The following FSIP2 variants were observed in gnomAD, a reference collection of about 807,000 sequenced individuals.
The protein encoded by FSIP2 is fibrous sheath-interacting protein 2.
In FSIP2, 367 loss-of-function variants were observed where a neutral mutation model predicts 510.5. That is an observed-to-expected ratio of 0.72 (90% CI 0.66 to 0.78). The LOEUF (loss-of-function observed/expected upper bound fraction) is 0.78. FSIP2 is among the 30% of genes least tolerant of loss of function. The pLI is 0.00. For synonymous variants in FSIP2, 2,601 were observed against 2,732.2 expected, an observed-to-expected ratio of 0.95 and a Z score of 1.50; for missense variants, 7,594 against 7,901.7, an observed-to-expected ratio of 0.96 and a Z score of 1.48.
At chr2:185,816,136 T>G (rs1323782773) in intron 19 of FSIP2, among the ~76,000 whole-genome samples, 2 of 151,972 alleles carry the variant, frequency 1.3e-5, no homozygotes, top group African/African-American at 2.4e-5. Flanking sequence ...TATACACAAC[T>G]TGGAAGAGAT....
chr2:185,761,005 G>C lies in FSIP2; in HGVS notation c.1096G>C (p.Ala366Pro). Residue 366 changes from alanine (A) to proline (P), a missense_variant, in exon 10 of 23, where the codon GCT (alanine) becomes CCT (proline). Ala to Pro is a conservative substitution (Grantham distance 27). Transcript: ENST00000424728. ...TCTTTTAGGACATACAGCAAATGCT[G>C]CTCATCAGCGTCAAAATAGTTCAAA... is the stretch of plus-strand genomic sequence containing the variant. ...KETHGHTANA[A>P]HQRQNSSNNF... 6.8e-7 allele frequency: 1 copy of C among 1,474,610 alleles called. No individual in the cohort carries two copies. 91.3% of individuals were successfully genotyped at this position (1,474,610 alleles called of 1,614,324 possible). A position where few individuals can be genotyped will look rare whatever the true frequency, so the allele number is the denominator to read the frequency against.
chr2:185,774,113 A>G (rs928594569), intron 13 of FSIP2, among the ~76,000 whole-genome samples: 9 of 152,208 alleles, frequency 5.9e-5, no homozygotes, highest in African/African-American at 2.2e-4. Context: ...TGAAATTGAG[A>G]CTTATTCTTT....
chr2:185,761,515 C>G lies in FSIP2; in HGVS notation c.1194+412C>G, dbSNP rs1336591264. ...CTAAAAGACTCATTGTCTAGTGAGG[C>G]AGCAGACACAGAAAGATACTATTCC... On this transcript the variant is annotated intron_variant, in intron 10 of 22. Coordinates refer to ENST00000424728, the MANE Select transcript of FSIP2 (RefSeq NM_173651.4). Among the ~76,000 whole-genome samples, 4 of 151,192 alleles carry G rather than the reference C, an allele frequency of 2.6e-5. No homozygotes were observed. In the East Asian group the frequency reaches 7.8e-4, roughly 29 times the overall value.
chr2:185,785,606 C>A (rs1481581742), intron 14 of FSIP2, among the ~76,000 whole-genome samples: 4 of 151,782 alleles, frequency 2.6e-5, no homozygotes, highest in Admixed American at 1.3e-4. Context: ...TTGAGCTATT[C>A]TTTTTTGCAA....
At chr2:185,785,071 T>A (rs776054419) in intron 14 of FSIP2, among the ~76,000 whole-genome samples, 2 of 152,092 alleles carry the variant, frequency 1.3e-5, no homozygotes, top group African/African-American at 2.4e-5. Context: ...AATGAATACA[T>A]AGAACTCCTT....
At position 185,802,721 on chromosome 2, in the gene FSIP2, T is replaced by C. The variant is rs568938611; in HGVS notation, c.13415T>C (p.Met4472Thr). The change falls in exon 17 of 23, where the codon ATG (methionine) becomes ACG (threonine). Residue 4472 changes from methionine to threonine, a missense_variant. Transcript: ENST00000424728. ...TLLPYTFLEDMIRVLLSKLFS... is the reference protein window; with the variant it reads ...TLLPYTFLEDTIRVLLSKLFS... ...CTGCCATACACATTTTTAGAAGATATGATCAGAGTACTATTATCTAAATTA... is the reference window on the plus strand; with the variant it reads ...CTGCCATACACATTTTTAGAAGATACGATCAGAGTACTATTATCTAAATTA... 1.8e-4 allele frequency: 278 copies of C among 1,522,270 alleles called. No homozygotes were observed. Among genetic ancestry groups the C allele is most frequent in the Non-Finnish European group, 2.2e-4 (249 of 1,141,430 alleles). 94.3% of individuals were successfully genotyped at this position (1,522,270 alleles called of 1,614,324 possible).
intron 9 of FSIP2, among the ~76,000 whole-genome samples, chr2:185,758,110 GCTT>G (rs1405784083): frequency 1.3e-5 from 2 of 151,134 alleles, no homozygotes; most frequent in African/African-American, 4.8e-5. Flanking sequence ...TATAAAAATG[GCTT>G]CTTTTACTCA....
chr2:185,793,638 A>C lies in FSIP2; in HGVS notation c.6502A>C (p.Ser2168Arg). The C allele has an allele frequency of 6.5e-7, 1 of 1,534,460 alleles. No individual in the cohort carries two copies. Among genetic ancestry groups the C allele is most frequent in the Non-Finnish European group, 8.7e-7 (1 of 1,145,624 alleles). ...DIVNIVLHNL[S>R]SAATLVINAK... ...AGTGAATATTGTTCTTCATAATCTC[A>C]GTTCTGCTGCCACGCTTGTCATAAA... Residue 2168 changes from serine (S) to arginine (R), a missense_variant, in exon 16 of 23, where the codon AGT becomes CGT. Ser to Arg is a moderately radical substitution (Grantham distance 110). Coordinates refer to ENST00000424728, the MANE Select transcript of FSIP2 (RefSeq NM_173651.4).
chr2:185,782,018 AAT>A (rs1351544854), intron 13 of FSIP2, among the ~76,000 whole-genome samples: 1 of 152,110 alleles, frequency 6.6e-6, no homozygotes. Flanking sequence ...TTGTATTTTT[AAT>A]AGAGACGGGG....
At chr2:185,770,233 C>T (rs1307874749) in intron 13 of FSIP2, among the ~76,000 whole-genome samples, 1 of 152,096 alleles carries the variant, frequency 6.6e-6, no homozygotes, top group Admixed American at 6.5e-5. Flanking sequence ...TTGTTTGTGT[C>T]ATCTCTGGTT....
At chr2:185,785,796 A>G (rs909780828) in intron 14 of FSIP2, among the ~76,000 whole-genome samples, 4 of 151,994 alleles carry the variant, frequency 2.6e-5, no homozygotes, top group Non-Finnish European at 5.9e-5. Flanking sequence ...CTACTGTGGA[A>G]TATGGGGAGA....
intron 13 of FSIP2, among the ~76,000 whole-genome samples, chr2:185,775,209 G>C (rs907782226): frequency 6.1e-5 from 9 of 146,696 alleles, no homozygotes; most frequent in East Asian, 2.0e-4. Flanking sequence ...CAGTGTAAAA[G>C]CGTTCCTATT....
At chr2:185,798,503 A>G (rs1693352465) in intron 16 of FSIP2, among the ~76,000 whole-genome samples, 1 of 151,880 alleles carries the variant, frequency 6.6e-6, no homozygotes, top group African/African-American at 2.4e-5. Context: ...TAGTATTACT[A>G]TAATACCCCA....
At chr2:185,820,051 G>A (rs1342987862) in intron 19 of FSIP2, among the ~76,000 whole-genome samples, 1 of 151,866 alleles carries the variant, frequency 6.6e-6, no homozygotes, top group Non-Finnish European at 1.5e-5. Flanking sequence ...GGGAAATAGA[G>A]GATGTTGATA....
chr2:185,814,193 C>CTCAATAGCAGA, intron 18 of FSIP2, 151 bp downstream of exon 18: 2 of 763,914 alleles, frequency 2.6e-6, no homozygotes, highest in Non-Finnish European at 4.1e-6. Flanking sequence ...AAATTATTAC[C>CTCAATAGCAGA]AGGTACAGCT....
In FSIP2 at chr2:185,831,960, C is replaced by T. The variant is rs1033576193; in HGVS notation, c.20587+78C>T. 6 of 851,846 alleles carry T rather than the reference C, an allele frequency of 7.0e-6. No individual in the cohort carries two copies. The African/African-American group carries it at 1.0e-4, about 14-fold the overall frequency. 52.8% of individuals were successfully genotyped at this position (851,846 alleles called of 1,614,324 possible). Reference sequence around the variant, plus strand: ...ATTTTGAATTTAGAATTTTTTATTACTTTCCTGGAAATGAGTGGCTCTCCC... The same window carrying T: ...ATTTTGAATTTAGAATTTTTTATTATTTTCCTGGAAATGAGTGGCTCTCCC... On this transcript the variant is annotated intron_variant, in intron 22 of 22. Coordinates refer to ENST00000424728, the MANE Select transcript of FSIP2 (RefSeq NM_173651.4).
chr2:185,795,772 C>T lies in FSIP2; in HGVS notation c.8636C>T (p.Ser2879Phe), dbSNP rs957834951. Residue 2879 changes from serine to phenylalanine, a missense_variant, in exon 16 of 23, where the codon TCT becomes TTT. By Grantham distance (155) the Ser-to-Phe change is radical. Transcript: ENST00000424728. ...ISIKAKELEY[S>F]LSLLNLPPLE... ...ATAAAAGCAAAAGAATTAGAATATT[C>T]TCTTTCACTTTTAAATTTGCCCCCT... The T allele has an allele frequency of 6.5e-7, 1 of 1,533,292 alleles. No individual in the cohort carries two copies. The highest frequency in any genetic ancestry group is 8.7e-7 in the Non-Finnish European group (1 of 1,144,878). The allele number at this position is 1,533,292 out of a possible 1,614,324, so 95.0% of individuals were successfully genotyped here.
intron 7 of FSIP2, among the ~76,000 whole-genome samples, chr2:185,749,389 A>G (rs1281974805): frequency 6.6e-6 from 1 of 151,868 alleles, no homozygotes; most frequent in Non-Finnish European, 1.5e-5. Context: ...ATCCCTAGGT[A>G]TTTCATACAT....
intron 7 of FSIP2, among the ~76,000 whole-genome samples, chr2:185,752,907 A>C (rs1445161926): frequency 6.6e-6 from 1 of 151,418 alleles, no homozygotes; most frequent in Admixed American, 6.6e-5. Context: ...TTATCTTCTT[A>C]TAAATATTAT....
Sources: allele counts gnomAD v4.1 joint callset (sites outside exome capture counted in the v4.1 genomes callset), GRCh38; gene constraint gnomAD v4.1.1; transcripts MANE v1.5; gene names NCBI Gene and HGNC (gene_info 2026-07-23, HGNC 2026-07-21).